Variants in TTN observed in about 807,000 individuals in gnomAD.
TTN encodes the protein titin, also known as connectin.
Under a neutral mutation model 3,223.0 loss-of-function variants are expected in TTN, and 1,525 were observed. That is an observed-to-expected ratio of 0.47 (90% CI 0.45 to 0.49). TTN has a LOEUF of 0.49. Among genes scored for constraint, TTN ranks in the 20% least tolerant of loss-of-function variants. The probability of loss-of-function intolerance (pLI) is 0.00; values close to 1 mark genes in which losing one functional copy is unlikely to be tolerated. For missense variants in TTN, 40,786 were observed against 43,424.0 expected (o/e 0.94, Z 5.40); for synonymous variants, 14,094 against 15,161.0 (o/e 0.93, Z 5.17).
Position 178,759,069 on chromosome 2 carries a change from A to C in TTN, c.10218T>G (p.Ala3406=). 6.2e-7 allele frequency: 1 copy of C among 1,614,050 alleles called. No homozygotes were observed. The highest frequency in any genetic ancestry group is 8.5e-7 in the Non-Finnish European group (1 of 1,179,950). ...TGTAAGTTCCTTCATCTTCTGGATA[A>C]GCTTCGGCAATTTCCAGTTGATAAG... is the stretch of plus-strand genomic sequence containing the variant. ...EDTYQLEIAE[A]YPEDEGTYTF... Residue 3406 remains alanine, a synonymous_variant, in exon 44 of 363, where the codon GCT becomes GCG. Coordinates refer to ENST00000589042, the MANE Select transcript of TTN (RefSeq NM_001267550.2).
At position 178,533,814 on chromosome 2, in the gene TTN, C is replaced by T. The variant is rs762734826; in HGVS notation, c.102801G>A (p.Lys34267=). The change falls in exon 358 of 363, where the codon AAG becomes AAA. Residue 34267 remains lysine (K), a synonymous_variant. Transcript: ENST00000589042. ...GGACATTTTCACCTACATAAGCTGTCTTATTATAGAGAGGCAGGGTAAATT... is the reference window on the plus strand; with the variant it reads ...GGACATTTTCACCTACATAAGCTGTTTTATTATAGAGAGGCAGGGTAAATT... The part of the protein sequence containing the change: ...PPEFTLPLYN[K]TAYVGENVRF... 1 of 1,613,856 alleles carries T rather than the reference C, an allele frequency of 6.2e-7. No homozygotes were observed.
At chr2:178,541,228 T>C in intron 350 of TTN, 54 bp downstream of exon 350, 1 of 1,421,286 alleles carries the variant, frequency 7.0e-7, no homozygotes, top group South Asian at 1.6e-5. Context: ...AAGGTGAATT[T>C]TCCCACATAT....
chr2:178,645,632 T>G, intron 217 of TTN: 1 of 221,612 alleles, frequency 4.5e-6, no homozygotes, highest in Non-Finnish European at 8.8e-6. Context: ...ATCAGAAAAC[T>G]CTTTCTCCCC....
In TTN at chr2:178,746,825, C is replaced by T. The variant is rs62179016; in HGVS notation, c.11312-4904G>A. On this transcript the variant is annotated intron_variant, in intron 47 of 362. Transcript: ENST00000589042. ...TAGTGTTGTGTTTTCATATACCTTC[C>T]TTTTGGTCAGAGGTTCAATAAAAGA... 662 of 1,613,366 alleles carry T rather than the reference C, an allele frequency of 4.1e-4. 1 individual carries two copies. Among genetic ancestry groups the T allele is most frequent in the Admixed American group, 5.7e-4 (34 of 59,942 alleles).
chr2:178,728,807 T>C (rs1289397239), intron 65 of TTN, 29 bp from the exon 66 acceptor site: 1 of 1,584,300 alleles, frequency 6.3e-7, no homozygotes, highest in Admixed American at 1.7e-5. Context: ...TGTGGATGAG[T>C]TACATTGGTA....
Position 178,562,922 on chromosome 2 carries a change from G to T in TTN, c.83210C>A (p.Thr27737Asn). The change falls in exon 326 of 363, where the codon ACC becomes AAC. Residue 27737 changes from threonine to asparagine, a missense_variant. By Grantham distance (65) the Thr-to-Asn change is moderately conservative (BLOSUM62 0). Transcript: ENST00000589042. The stretch of plus-strand genomic sequence containing the variant: ...ATTATACCGACCACTGTCAAATCTG[G>T]TAACATTATCAATCACCAACATTGT... Reference protein sequence around the residue: ...SFTMLVIDNVTRFDSGRYNLT... With the variant: ...SFTMLVIDNVNRFDSGRYNLT... The T allele has an allele frequency of 6.2e-7, 1 of 1,613,538 alleles. No individual in the cohort carries two copies. Among genetic ancestry groups the T allele is most frequent in the Non-Finnish European group, 8.5e-7 (1 of 1,179,716 alleles).
At chr2:178,802,473 G>A in intron 2 of TTN, 132 bp from the exon 3 acceptor site, 1 of 1,019,558 alleles carries the variant, frequency 9.8e-7, no homozygotes, top group Non-Finnish European at 1.5e-6. Context: ...TAATGATAGG[G>A]AAAACCCTAC....
chr2:178,755,518 C>G (rs945148778), intron 46 of TTN, among the ~76,000 whole-genome samples: 5 of 152,192 alleles, frequency 3.3e-5, no homozygotes, highest in African/African-American at 9.6e-5. Context: ...TCACTGCAAC[C>G]TCTGCCTCCT....
chr2:178,702,045 G>A lies in TTN; in HGVS notation c.30533C>T (p.Pro10178Leu). ...ATTTTTACAAAACAACTTACCAGGAGGCTTCAGCTCAAGTTTGATTTCTGC... is the reference window on the plus strand; with the variant it reads ...ATTTTTACAAAACAACTTACCAGGAAGCTTCAGCTCAAGTTTGATTTCTGC... ...TTKEIKLELK[P>L]PDIPDSRVPI... The change falls in exon 109 of 363, where the codon CCT (proline) becomes CTT (leucine). Residue 10178 changes from proline to leucine, a missense_variant. Coordinates refer to ENST00000589042, the MANE Select transcript of TTN (RefSeq NM_001267550.2). The A allele has an allele frequency of 6.2e-7, 1 of 1,610,654 alleles. No homozygotes were observed.
chr2:178,543,071 CT>C lies in TTN; in HGVS notation c.96901del (p.Arg32301GlufsTer24). The C allele has an allele frequency of 6.4e-7, 1 of 1,565,166 alleles. No individual in the cohort carries two copies. The highest frequency in any genetic ancestry group is 8.7e-7 in the Non-Finnish European group (1 of 1,154,134). On this transcript the variant is annotated frameshift_variant, in exon 347 of 363. Coordinates refer to ENST00000589042, the MANE Select transcript of TTN (RefSeq NM_001267550.2). LOFTEE classifies it high-confidence loss of function. Reference sequence around the variant, plus strand: ...TTTTTTGGCTATTTGGTACATACCTCTGAGGTCTTGTACAGTCACGGCTGTG... The same window carrying C: ...TTTTTTGGCTATTTGGTACATACCTCGAGGTCTTGTACAGTCACGGCTGTG... ...TVTAVTVQDLRVLPTIDLSTM... is the reference protein window; with the variant it reads ...TVTAVTVQDLXVLPTIDLSTM...
At chr2:178,588,508 G>A (rs370634376) in intron 304 of TTN, 30 bp downstream of exon 304, 53 of 1,504,978 alleles carry the variant, frequency 3.5e-5, no homozygotes, top group Non-Finnish European at 4.7e-5. Context: ...AAGAGTTGCT[G>A]TAATATCAGA....
rs773367580 is a variant in TTN, at chr2:178,782,818, G to C, written c.3088C>G (p.Leu1030Val). The C allele has an allele frequency of 1.9e-6, 3 of 1,612,932 alleles. No homozygotes were observed. Residue 1030 changes from leucine (L) to valine (V), a missense_variant, in exon 18 of 363, where the codon CTG becomes GTG. Leu to Val is a conservative substitution (Grantham distance 32). Coordinates refer to ENST00000589042, the MANE Select transcript of TTN (RefSeq NM_001267550.2). ...GGTGGCCACTAACCCTGCACAGCCA[G>C]ATAGCAGGATGTGCTGACGGTTCCA... ...EAGTVSTSCY[L>V]AVQVSEEFEK... is the part of the protein sequence containing the mutation.
rs1271990367 is a variant in TTN, at chr2:178,657,432, A to AT, written c.38038+65_38038+66insA. 36 of 859,360 alleles carry AT rather than the reference A, an allele frequency of 4.2e-5. 1 individual carries two copies. Among genetic ancestry groups the AT allele is most frequent in the African/African-American group, 1.5e-4 (7 of 47,552 alleles). 53.2% of individuals were successfully genotyped at this position (859,360 alleles called of 1,614,324 possible). ...TATAATAAAAATATATATATATATA[A>AT]AAAGAAAAATATTTTCCAGAGCACA... is the stretch of plus-strand genomic sequence containing the variant. On this transcript the variant is annotated intron_variant, in intron 189 of 362. Coordinates refer to ENST00000589042, the MANE Select transcript of TTN (RefSeq NM_001267550.2).
At position 178,684,340 on chromosome 2, in the gene TTN, T is replaced by C; in HGVS notation, c.32712A>G (p.Pro10904=). The change falls in exon 132 of 363, where the codon CCA becomes CCG. Residue 10904 remains proline, a synonymous_variant. Transcript: ENST00000589042. ...GAAGGGCGGATGTACCTCTTGCTTT[T>C]GGAGGCGCCTCTTTTTTAGTTACAG... ...LVAVTKKEAP[P]KARVPEEPKR... is the part of the protein sequence containing the mutation. 1 of 1,613,508 alleles carries C rather than the reference T, an allele frequency of 6.2e-7. No homozygotes were observed. Among genetic ancestry groups the C allele is most frequent in the Non-Finnish European group, 8.5e-7 (1 of 1,179,622 alleles).
chr2:178,636,215 G>A lies in TTN; in HGVS notation c.41356C>T (p.Leu13786=). 1 of 1,589,716 alleles carries A rather than the reference G, an allele frequency of 6.3e-7. No individual in the cohort carries two copies. Among genetic ancestry groups the A allele is most frequent in the Non-Finnish European group, 8.6e-7 (1 of 1,166,176 alleles). The change falls in exon 226 of 363, where the codon CTG becomes TTG. Residue 13786 remains leucine (L), a synonymous_variant. Transcript: ENST00000589042. The surrounding 1 kb of genome is among the most constrained non-coding windows in gnomAD (Gnocchi z 4.3). The part of the protein sequence containing the change: ...EELPVRFVKT[L]EEEVTVVKGQ... ...TTGACCACTGTGACTTCCTCTTCCA[G>A]TGTTTTTACAAAACGCACAGGAAGT...
In TTN at chr2:178,594,031, G is replaced by A. The variant is rs374998127; in HGVS notation, c.58362C>T (p.Ser19454=). The A allele has an allele frequency of 1.1e-4, 179 of 1,613,512 alleles. No individual in the cohort carries two copies. Among genetic ancestry groups the A allele is most frequent in the African/African-American group, 2.3e-4 (17 of 74,996 alleles). Residue 19454 remains serine (S), a synonymous_variant, in exon 297 of 363, where the codon TCC becomes TCT. Coordinates refer to ENST00000589042, the MANE Select transcript of TTN (RefSeq NM_001267550.2). ...LEKIKAKRSD[S]GKYCVVVENS... is the part of the protein sequence containing the mutation. ...TCTCCACAACCACACAGTATTTGCC[G>A]GAATCTGAACGTTTGGCCTTGATCT...
chr2:178,634,474 C>T lies in TTN; in HGVS notation c.42307G>A (p.Asp14103Asn). Reference protein sequence around the residue: ...KSSDKFDIIADGKKHILVIND... With the variant: ...KSSDKFDIIANGKKHILVIND... ...ATAACAAGAATATGTTTCTTTCCAT[C>T]AGCGATGATATCAAATTTGTCAGAT... Residue 14103 changes from aspartate to asparagine, a missense_variant, in exon 230 of 363, where the codon GAT becomes AAT. Physicochemically the swap from Asp to Asn is conservative, Grantham distance 23. Transcript: ENST00000589042. The surrounding 1 kb of genome is among the most constrained non-coding windows in gnomAD (Gnocchi z 4.6). 6.2e-7 allele frequency: 1 copy of T among 1,613,254 alleles called. No individual in the cohort carries two copies. The highest frequency in any genetic ancestry group is 8.5e-7 in the Non-Finnish European group (1 of 1,179,494).
Position 178,575,292 on chromosome 2 carries a change from T to C in TTN, c.70840A>G (p.Ser23614Gly). 1 of 1,613,414 alleles carries C rather than the reference T, an allele frequency of 6.2e-7. No homozygotes were observed. Among genetic ancestry groups the C allele is most frequent in the African/African-American group, 1.3e-5 (1 of 75,018 alleles). The change falls in exon 326 of 363, where the codon AGT becomes GGT. Residue 23614 changes from serine (S) to glycine (G), a missense_variant. By Grantham distance (56) the Ser-to-Gly change is moderately conservative. Coordinates refer to ENST00000589042, the MANE Select transcript of TTN (RefSeq NM_001267550.2). This position sits in a 1 kb window ranked among gnomAD's most constrained non-coding sequence, Gnocchi z 4.0. ...QVMAVNSAGR[S>G]APRESRPVIV... Reference sequence around the variant, plus strand: ...ACGGGTCTGCTTTCTCTAGGGGCACTTCTCCCCGCGCTGTTCACTGCCATC... The same window carrying C: ...ACGGGTCTGCTTTCTCTAGGGGCACCTCTCCCCGCGCTGTTCACTGCCATC...
intron 294 of TTN, among the ~76,000 whole-genome samples, chr2:178,596,800 G>A (rs1005067240): frequency 6.6e-6 from 1 of 151,966 alleles, no homozygotes; most frequent in African/African-American, 2.4e-5. Flanking sequence ...CTAGAGACAT[G>A]CTTAGAAAGA....
Sources: gnomAD v4.1 joint callset for allele counts (sites outside exome capture counted in the v4.1 genomes callset) on GRCh38, gnomAD v4.1.1 for gene constraint, Gnocchi (gnomAD v3.1) non-coding constraint, MANE v1.5 for transcripts, NCBI Gene and HGNC (gene_info 2026-07-23, HGNC 2026-07-21) for gene names.